CNTNAP2: variants seen among roughly 807,000 people sequenced by gnomAD.
The protein encoded by CNTNAP2 is contactin associated protein 2, also known as contactin-associated protein-like 2.
In CNTNAP2, 98 loss-of-function variants were observed where a neutral mutation model predicts 155.2. The observed-to-expected ratio is 0.63, with a 90% CI of 0.54 to 0.75. CNTNAP2 has a LOEUF of 0.75. Ranked by LOEUF, CNTNAP2 falls within the 30% of genes least tolerant of loss-of-function variation. CNTNAP2 has a pLI of 0.00. For missense variants in CNTNAP2, 1,727 were observed against 1,688.1 expected, an observed-to-expected ratio of 1.02 and a Z score of -0.40; for synonymous variants, 651 against 631.2, an observed-to-expected ratio of 1.03 and a Z score of -0.47.
intron 3 of CNTNAP2, among the ~76,000 whole-genome samples, chr7:146,932,835 C>G (rs540054677): frequency 1.3e-5 from 2 of 151,822 alleles, no homozygotes; most frequent in Non-Finnish European, 2.9e-5. Flanking sequence ...CTCCCATTCA[C>G]AATTGCTTCA....
intron 8 of CNTNAP2, among the ~76,000 whole-genome samples, chr7:147,275,059 T>C (rs1804865357): frequency 6.6e-6 from 1 of 152,180 alleles, no homozygotes; most frequent in African/African-American, 2.4e-5. Context: ...TTGGTTATTA[T>C]AGCCTTACAG....
chr7:148,269,170 TG>T (rs1796729575), intron 21 of CNTNAP2, among the ~76,000 whole-genome samples: 1 of 151,916 alleles, frequency 6.6e-6, no homozygotes, highest in African/African-American at 2.4e-5. Context: ...AACAAGACAG[TG>T]GGGAGTGGCA....
At chr7:147,764,237 G>A (rs1438757650) in intron 13 of CNTNAP2, among the ~76,000 whole-genome samples, 1 of 152,112 alleles carries the variant, frequency 6.6e-6, no homozygotes, top group African/African-American at 2.4e-5. Flanking sequence ...CTACAGTGTA[G>A]AGTCCCTCCA....
At chr7:147,625,959 T>C (rs1314673379) in intron 12 of CNTNAP2, among the ~76,000 whole-genome samples, 1 of 152,008 alleles carries the variant, frequency 6.6e-6, no homozygotes, top group Non-Finnish European at 1.5e-5. Flanking sequence ...GGGAGTCACA[T>C]GAAATATAAA....
intron 3 of CNTNAP2, among the ~76,000 whole-genome samples, chr7:146,973,409 A>T (rs1425454814): frequency 6.6e-6 from 1 of 152,230 alleles, no homozygotes; most frequent in Admixed American, 6.5e-5. Flanking sequence ...GATGGAACAG[A>T]TCCATTCACA....
In CNTNAP2 at chr7:146,201,639, A is replaced by AGTGT. The variant is rs57595774; in HGVS notation, c.97+84700_97+84703dup. Among the ~76,000 whole-genome samples, 886 of 146,882 alleles carry AGTGT rather than the reference A, an allele frequency of 6.0e-3. 14 individuals carry two copies. The highest frequency in any genetic ancestry group is 0.02 in the African/African-American group (789 of 40,048). On this transcript the variant is annotated intron_variant, in intron 1 of 23. Coordinates refer to ENST00000361727, the MANE Select transcript of CNTNAP2 (RefSeq NM_014141.6). ...AGAACTTTTTTTTAAATGTCCCACG[A>AGTGT]GTGTGTGTGTGTGTGTGTGTGTGTG...
intron 15 of CNTNAP2, among the ~76,000 whole-genome samples, chr7:148,075,939 T>C (rs770013290): frequency 7.2e-5 from 11 of 152,200 alleles, no homozygotes; most frequent in Non-Finnish European, 1.6e-4. Flanking sequence ...GAAAGTAGCC[T>C]GTATGTCTCT....
chr7:146,785,137 AT>A (rs938030788), intron 2 of CNTNAP2, among the ~76,000 whole-genome samples: 8 of 148,862 alleles, frequency 5.4e-5, no homozygotes, highest in South Asian at 2.1e-4. Context: ...TGCCCTGCTA[AT>A]TTTTTTTTTA....
At chr7:146,297,976 G>A (rs564255635) in intron 1 of CNTNAP2, among the ~76,000 whole-genome samples, 57 of 152,136 alleles carry the variant, frequency 3.7e-4, no homozygotes, top group Non-Finnish European at 5.7e-4. Context: ...AAATACTCTG[G>A]TAAGTTTCTT....
intron 1 of CNTNAP2, among the ~76,000 whole-genome samples, chr7:146,174,265 C>A (rs1171693270): frequency 1.3e-5 from 2 of 151,738 alleles, no homozygotes; most frequent in African/African-American, 2.4e-5. Flanking sequence ...ACCGAATACC[C>A]ATAATAAGAA....
At chr7:147,862,509 C>CCG in intron 13 of CNTNAP2, among the ~76,000 whole-genome samples, 1 of 152,170 alleles carries the variant, frequency 6.6e-6, no homozygotes, top group South Asian at 2.1e-4. Context: ...AGAGGGCAGT[C>CCG]GGGAGAAAAT....
intron 9 of CNTNAP2, among the ~76,000 whole-genome samples, chr7:147,308,307 C>T (rs1018193238): frequency 3.9e-5 from 6 of 152,068 alleles, no homozygotes; most frequent in African/African-American, 9.7e-5. Flanking sequence ...AAGGTTGGAC[C>T]GAGTGAATCT....
chr7:146,427,913 C>T (rs1273542042), intron 1 of CNTNAP2, among the ~76,000 whole-genome samples: 1 of 152,124 alleles, frequency 6.6e-6, no homozygotes, highest in African/African-American at 2.4e-5. Context: ...CTCCAACAGG[C>T]ACTAGTGTGT....
intron 2 of CNTNAP2, among the ~76,000 whole-genome samples, chr7:146,820,815 C>A (rs1033239877): frequency 6.6e-6 from 1 of 152,114 alleles, no homozygotes; most frequent in Non-Finnish European, 1.5e-5. Flanking sequence ...CTCTGTAGGT[C>A]ACTAAGGACT....
At chr7:147,777,751 T>G (rs139729272) in intron 13 of CNTNAP2, among the ~76,000 whole-genome samples, 2,013 of 152,354 alleles carry the variant, frequency 0.013, 101 homozygotes, top group Admixed American at 0.089. Flanking sequence ...GTAGGAATTT[T>G]AGGCCCACAT....
At chr7:146,826,851 TATATATAGAGAG>T (rs1033799558) in intron 2 of CNTNAP2, among the ~76,000 whole-genome samples, 2 of 142,464 alleles carry the variant, frequency 1.4e-5, no homozygotes, top group Non-Finnish European at 3.0e-5. Flanking sequence ...TATATATATA[TATATATAGAGAG>T]AGAGAGAGAG....
At chr7:146,666,207 G>A (rs2642495) in intron 1 of CNTNAP2, among the ~76,000 whole-genome samples, 122,848 of 151,888 alleles carry the variant, frequency 0.81, 50,286 homozygotes, top group South Asian at 0.91. Context: ...TTATGAGGTC[G>A]GCTATTTTTA....
chr7:146,331,710 G>A (rs1315548366), intron 1 of CNTNAP2, among the ~76,000 whole-genome samples: 2 of 152,166 alleles, frequency 1.3e-5, no homozygotes, highest in African/African-American at 2.4e-5. Context: ...CATCACTCCT[G>A]CTGCATTCTG....
intron 9 of CNTNAP2, among the ~76,000 whole-genome samples, chr7:147,386,249 A>G (rs1796624122): frequency 6.6e-6 from 1 of 152,006 alleles, no homozygotes; most frequent in South Asian, 2.1e-4. Context: ...CCCTGGAGAC[A>G]TTTTCCCCAT....
Sources: gnomAD v4.1 joint callset for allele counts (sites outside exome capture counted in the v4.1 genomes callset) on GRCh38, gnomAD v4.1.1 for gene constraint, MANE v1.5 for transcripts, NCBI Gene and HGNC (gene_info 2026-07-23, HGNC 2026-07-21) for gene names.